The following PCM1 variants were observed in gnomAD, a reference collection of about 807,000 sequenced individuals.
PCM1 encodes pericentriolar material 1, also known as pericentriolar material 1 protein.
A neutral mutation model predicts 241.9 loss-of-function variants in PCM1; 157 were observed. That is an observed-to-expected ratio of 0.65 (90% CI 0.57 to 0.74). PCM1 has a LOEUF of 0.74. Among genes scored for constraint, PCM1 ranks in the 30% least tolerant of loss-of-function variants. The pLI is 0.00. For synonymous variants in PCM1, 1,085 were observed against 784.9 expected, an observed-to-expected ratio of 1.38 and a Z score of -6.39; for missense variants, 3,478 against 2,360.1, an observed-to-expected ratio of 1.47 and a Z score of -9.81.
intron 2 of PCM1, among the ~76,000 whole-genome samples, chr8:17,932,521 T>A (rs899652201): frequency 6.0e-5 from 9 of 150,574 alleles, no homozygotes; most frequent in Non-Finnish European, 1.0e-4. Flanking sequence ...TATATTCGTA[T>A]TTTTTTTTGC....
intron 29 of PCM1, among the ~76,000 whole-genome samples, chr8:17,994,374 T>G (rs1322710317): frequency 6.6e-6 from 1 of 152,244 alleles, no homozygotes. Flanking sequence ...TCATTATTTT[T>G]TATGGCTGAA....
At chr8:17,928,173 G>T (rs1471139533) in intron 2 of PCM1, among the ~76,000 whole-genome samples, 2 of 152,100 alleles carry the variant, frequency 1.3e-5, no homozygotes, top group Non-Finnish European at 2.9e-5. Context: ...TAACTTGCAT[G>T]GCAAAATTTC....
chr8:17,985,888 G>C (rs1444385554), intron 25 of PCM1, 71 bp from the exon 26 acceptor site: 3 of 1,073,024 alleles, frequency 2.8e-6, no homozygotes, highest in Non-Finnish European at 3.9e-6. Flanking sequence ...TTTTATTTTT[G>C]AATCTGTAAT....
rs1452003369 is a variant in PCM1, at chr8:17,967,146, A to G, written c.3388A>G (p.Thr1130Ala). 1.3e-6 allele frequency: 2 copies of G among 1,597,760 alleles called. No individual in the cohort carries two copies. The highest frequency in any genetic ancestry group is 4.5e-5 in the East Asian group (2 of 44,602). ...AAATCTCTTCAATATACCTGGATTT[A>G]CTAACTTTTCATCATTTGCACCAGG... ...PVNLFNIPGF[T>A]NFSSFAPGMN... is the part of the protein sequence containing the mutation. The change falls in exon 21 of 39, where the codon ACT (threonine) becomes GCT (alanine). Residue 1130 changes from threonine (T) to alanine (A), a missense_variant. Transcript: ENST00000325083.
chr8:17,948,002 C>T (rs961847443), intron 7 of PCM1, among the ~76,000 whole-genome samples: 12 of 152,160 alleles, frequency 7.9e-5, no homozygotes, highest in Admixed American at 7.2e-4. Context: ...CACCTTCAAA[C>T]TTATTTTAGT....
chr8:18,025,618 CG>C lies in PCM1; in HGVS notation c.6010del (p.Glu2004LysfsTer3). 1 of 1,576,468 alleles carries C rather than the reference CG, an allele frequency of 6.3e-7. No homozygotes were observed. The highest frequency in any genetic ancestry group is 8.6e-7 in the Non-Finnish European group (1 of 1,160,062). ...CTGGTGAAATATGTGAAATGCAGAC[CG>C]AAGAATTAGCTGGAAATTCTGAGAC... ...LSGEICEMQT[E>X]ELAGNSETLK... is the part of the protein sequence containing the mutation. On this transcript the variant is annotated frameshift_variant, in exon 38 of 39. Coordinates refer to ENST00000325083, the MANE Select transcript of PCM1 (RefSeq NM_006197.4). LOFTEE classifies it high-confidence loss of function.
At chr8:17,995,673 A>G (rs971912693) in intron 29 of PCM1, among the ~76,000 whole-genome samples, 4 of 147,640 alleles carry the variant, frequency 2.7e-5, no homozygotes, top group Non-Finnish European at 5.9e-5. Flanking sequence ...ACATTTTAAC[A>G]ATATTGATTT....
In PCM1 at chr8:17,986,050, A is replaced by G. The variant is rs759653171; in HGVS notation, c.4373A>G (p.Glu1458Gly). Reference sequence around the variant, plus strand: ...GGTACTTGGATAGCATCAAACTCAGAACTTACTCCTAGTGAGAGCCTTGCT... The same window carrying G: ...GGTACTTGGATAGCATCAAACTCAGGACTTACTCCTAGTGAGAGCCTTGCT... Reference protein sequence around the residue: ...NSGTWIASNSELTPSESLATT... With the variant: ...NSGTWIASNSGLTPSESLATT... The change falls in exon 26 of 39, where the codon GAA becomes GGA. Residue 1458 changes from glutamate to glycine, a missense_variant. By Grantham distance (98) the Glu-to-Gly change is moderately conservative. Transcript: ENST00000325083. The G allele has an allele frequency of 1.2e-6, 2 of 1,602,058 alleles. No homozygotes were observed. The highest frequency in any genetic ancestry group is 8.5e-7 in the Non-Finnish European group (1 of 1,173,056).
Position 17,994,220 on chromosome 8 carries a change from G to C in PCM1, c.4827+601G>C, listed in dbSNP as rs185107847. On this transcript the variant is annotated intron_variant, in intron 29 of 38. Transcript: ENST00000325083. ...AGCCTCTGGTAACCATCCTTATACA[G>C]TTTATCTCCATGAGTTAAATTGTTT... is the stretch of plus-strand genomic sequence containing the variant. Among the ~76,000 whole-genome samples, 72 of 152,168 alleles carry C rather than the reference G, an allele frequency of 4.7e-4. 1 individual carries two copies. The East Asian group carries it at 0.013, about 28-fold the overall frequency.
intron 2 of PCM1, chr8:17,925,006 A>G (rs938321670): frequency 1.9e-4 from 29 of 152,330 alleles, no homozygotes; most frequent in African/African-American, 6.7e-4. Context: ...ATTAATTACT[A>G]GAATGGTTTA....
In PCM1 at chr8:18,022,958, G is replaced by A. The variant is rs141766805; in HGVS notation, c.5842-2403G>A. 1.3e-3 allele frequency among the ~76,000 whole-genome samples: 203 copies of A among 152,276 alleles called. 1 individual carries two copies. Among genetic ancestry groups the A allele is most frequent in the African/African-American group, 4.6e-3 (193 of 41,558 alleles). ...AGGAAACAAGTCATCCTTATTTGGCGATGGTACCCATGTGTAATACATAGA... is the reference window on the plus strand; with the variant it reads ...AGGAAACAAGTCATCCTTATTTGGCAATGGTACCCATGTGTAATACATAGA... On this transcript the variant is annotated intron_variant, in intron 36 of 38. Coordinates refer to ENST00000325083, the MANE Select transcript of PCM1 (RefSeq NM_006197.4).
chr8:18,001,812 A>G (rs980921847), intron 29 of PCM1, among the ~76,000 whole-genome samples: 1 of 151,766 alleles, frequency 6.6e-6, no homozygotes, highest in African/African-American at 2.4e-5. Flanking sequence ...GAGAAGAGAG[A>G]TCTTTGAGAA....
chr8:18,028,812 G>GAAAT lies in PCM1; in HGVS notation c.*1152_*1155dup. Reference sequence around the variant, plus strand: ...AAGTATTTTAACTTTGTTAACAACTGAAATACCCCATAAAAAAAGAACTTG... The same window carrying GAAAT: ...AAGTATTTTAACTTTGTTAACAACTGAAATAAATACCCCATAAAAAAAGAACTTG... On this transcript the variant is annotated 3_prime_UTR_variant, in exon 39 of 39. Coordinates refer to ENST00000325083, the MANE Select transcript of PCM1 (RefSeq NM_006197.4). 5.3e-6 allele frequency: 1 copy of GAAAT among 188,074 alleles called. No individual in the cohort carries two copies. The allele number at this position is 188,074 out of a possible 1,614,324, so 11.7% of individuals were successfully genotyped here.
At chr8:17,952,282 G>A (rs208757) in intron 8 of PCM1, among the ~76,000 whole-genome samples, 129,886 of 151,884 alleles carry the variant, frequency 0.86, 55,942 homozygotes, top group African/African-American at 0.96. Context: ...GAGAGAAGTG[G>A]TGGGAAAAAT....
At chr8:17,970,694 C>T (rs142724139) in intron 22 of PCM1, among the ~76,000 whole-genome samples, 1,549 of 152,156 alleles carry the variant, frequency 0.01, 10 homozygotes, top group Admixed American at 0.013. Flanking sequence ...TTCAAAGCTT[C>T]GGTGAATAGA....
rs188356080 is a variant in PCM1, at chr8:18,029,126, C to G, written c.*1464C>G. The G allele has an allele frequency of 4.6e-3, 775 of 168,752 alleles. 8 individuals carry two copies. The highest frequency in any genetic ancestry group is 0.019 in the African/African-American group (711 of 38,216). The allele number at this position is 168,752 out of a possible 1,614,324, so 10.5% of individuals were successfully genotyped here. A position where few individuals can be genotyped will look rare whatever the true frequency, so the allele number is the denominator to read the frequency against. On this transcript the variant is annotated 3_prime_UTR_variant, in exon 39 of 39. Coordinates refer to ENST00000325083, the MANE Select transcript of PCM1 (RefSeq NM_006197.4). ...TGAGCCGAGATCATGCCACTGCACTCCAGCCTGGCAACAGAGCGAGACTCT... is the reference window on the plus strand; with the variant it reads ...TGAGCCGAGATCATGCCACTGCACTGCAGCCTGGCAACAGAGCGAGACTCT...
intron 6 of PCM1, among the ~76,000 whole-genome samples, chr8:17,942,787 A>C (rs971342317): frequency 1.3e-5 from 2 of 152,138 alleles, no homozygotes; most frequent in African/African-American, 2.4e-5. Context: ...CGAGGTCAGG[A>C]GATCGAGACC....
chr8:17,961,228 A>G (rs1384227998), intron 15 of PCM1, among the ~76,000 whole-genome samples: 4 of 151,140 alleles, frequency 2.6e-5, no homozygotes, highest in Admixed American at 6.6e-5. Context: ...ATCTTTGGTG[A>G]TATCAAATAA....
Position 17,960,328 on chromosome 8 carries a change from G to A in PCM1, c.2206G>A (p.Glu736Lys). 6.3e-7 allele frequency: 1 copy of A among 1,589,274 alleles called. No individual in the cohort carries two copies. Among genetic ancestry groups the A allele is most frequent in the Non-Finnish European group, 8.5e-7 (1 of 1,173,692 alleles). Reference protein sequence around the residue: ...VNEKAREKFYEAKLQQQQREL... With the variant: ...VNEKAREKFYKAKLQQQQREL... Reference sequence around the variant, plus strand: ...ATTTAATTGTAGAGAGAAATTTTATGAGGCTAAACTACAGCAGCAACAGAG... The same window carrying A: ...ATTTAATTGTAGAGAGAAATTTTATAAGGCTAAACTACAGCAGCAACAGAG... Residue 736 changes from glutamate (E) to lysine (K), a missense_variant, in exon 15 of 39, where the codon GAG becomes AAG. Physicochemically the swap from Glu to Lys is moderately conservative, Grantham distance 56. Coordinates refer to ENST00000325083, the MANE Select transcript of PCM1 (RefSeq NM_006197.4).
Sources: allele counts gnomAD v4.1 joint callset (sites outside exome capture counted in the v4.1 genomes callset), GRCh38; gene constraint gnomAD v4.1.1; transcripts MANE v1.5; gene names NCBI Gene and HGNC (gene_info 2026-07-23, HGNC 2026-07-21).